Variants in MTUS2 observed in about 807,000 individuals in gnomAD.
The protein encoded by MTUS2 is microtubule associated scaffold protein 2.
In MTUS2, 40 loss-of-function variants were observed where a neutral mutation model predicts 114.1. The observed-to-expected ratio is 0.35, with a 90% CI of 0.27 to 0.46. MTUS2 has a LOEUF of 0.46. Among genes scored for constraint, MTUS2 ranks in the 20% least tolerant of loss-of-function variants. MTUS2 has a pLI of 1.00. For synonymous variants in MTUS2, 688 were observed against 672.0 expected, an observed-to-expected ratio of 1.02 and a Z score of -0.37; for missense variants, 1,679 against 1,705.4, an observed-to-expected ratio of 0.98 and a Z score of 0.27.
chr13:29,008,191 G>C (rs997547863), intron 2 of MTUS2, among the ~76,000 whole-genome samples: 1 of 152,170 alleles, frequency 6.6e-6, no homozygotes, highest in African/African-American at 2.4e-5. Context: ...TGCCAAGTCA[G>C]TCAACAGAGC....
rs186562070 is a variant in MTUS2 at position 28,945,022 on chromosome 13, C to G, written c.-242-79435C>G. Among the ~76,000 whole-genome samples the G allele has an allele frequency of 8.9e-4, 136 of 152,260 alleles. 1 individual carries two copies. Among genetic ancestry groups the G allele is most frequent in the African/African-American group, 3.0e-3 (125 of 41,516 alleles). ...TCTCCAGTATCTATCATTCCACACT[C>G]TGTGTCCATGCATACACATTATTTA... On this transcript the variant is annotated intron_variant, in intron 2 of 15. Coordinates refer to ENST00000612955, the MANE Select transcript of MTUS2 (RefSeq NM_001033602.4).
At chr13:28,872,551 A>C (rs1877683843) in intron 2 of MTUS2, among the ~76,000 whole-genome samples, 1 of 152,164 alleles carries the variant, frequency 6.6e-6, no homozygotes, top group Non-Finnish European at 1.5e-5. Flanking sequence ...TGAGAGTCTC[A>C]GGCAGCTTCT....
chr13:29,318,694 G>A (rs1900125616), intron 6 of MTUS2, among the ~76,000 whole-genome samples: 1 of 152,108 alleles, frequency 6.6e-6, no homozygotes, highest in Non-Finnish European at 1.5e-5. Context: ...ATACACAATG[G>A]TGCTTCTGCC....
intron 4 of MTUS2, among the ~76,000 whole-genome samples, chr13:29,071,188 G>T (rs1888907835): frequency 6.6e-6 from 1 of 150,478 alleles, no homozygotes; most frequent in Non-Finnish European, 1.5e-5. Context: ...TTTTAGTAGA[G>T]ATGGGGTTTC....
At chr13:29,156,242 AG>A (rs1164164759) in intron 5 of MTUS2, among the ~76,000 whole-genome samples, 1 of 152,206 alleles carries the variant, frequency 6.6e-6, no homozygotes, top group Non-Finnish European at 1.5e-5. Flanking sequence ...TCTGATTCTT[AG>A]TTCCAAAAAC....
chr13:28,892,242 C>T (rs933751948), intron 2 of MTUS2, among the ~76,000 whole-genome samples: 1 of 152,160 alleles, frequency 6.6e-6, no homozygotes, highest in Non-Finnish European at 1.5e-5. Context: ...TGGGATGTAT[C>T]TGTACTGAAT....
intron 5 of MTUS2, among the ~76,000 whole-genome samples, chr13:29,277,961 T>C (rs1898127604): frequency 6.6e-6 from 1 of 152,182 alleles, no homozygotes; most frequent in African/African-American, 2.4e-5. Flanking sequence ...AAACTTTTGC[T>C]ATGTTAAGTA....
chr13:29,410,813 T>TTTTG (rs58667275), intron 8 of MTUS2, among the ~76,000 whole-genome samples: 76,198 of 150,320 alleles, frequency 0.51, 21,509 homozygotes, highest in Admixed American at 0.65. Context: ...ACACTATTGG[T>TTTTG]TTTGTTTGTT....
chr13:28,840,723 A>T (rs749709977), intron 2 of MTUS2, among the ~76,000 whole-genome samples: 1 of 152,218 alleles, frequency 6.6e-6, no homozygotes, highest in Non-Finnish European at 1.5e-5. Flanking sequence ...TCAACTCATG[A>T]TAGACTCTAA....
At chr13:28,934,180 C>T (rs746839495) in intron 2 of MTUS2, among the ~76,000 whole-genome samples, 9 of 152,132 alleles carry the variant, frequency 5.9e-5, no homozygotes, top group African/African-American at 1.7e-4. Context: ...AGACAAATTG[C>T]GTAGTGTAAC....
chr13:29,127,473 A>G (rs897149683), intron 5 of MTUS2, among the ~76,000 whole-genome samples: 1 of 152,160 alleles, frequency 6.6e-6, no homozygotes, highest in Non-Finnish European at 1.5e-5. Flanking sequence ...TCATCCAATC[A>G]TTTCAAAGGC....
intron 2 of MTUS2, among the ~76,000 whole-genome samples, chr13:28,969,222 T>C (rs1481923500): frequency 1.3e-5 from 2 of 151,992 alleles, no homozygotes; most frequent in African/African-American, 4.8e-5. Flanking sequence ...TTGTATTTTT[T>C]GTAGAGACAT....
intron 2 of MTUS2, among the ~76,000 whole-genome samples, chr13:28,894,311 GGGGA>G (rs1566203686): frequency 6.5e-5 from 2 of 30,862 alleles, no homozygotes; most frequent in African/African-American, 1.8e-4. Context: ...AGAGGGGGGG[GGGGA>G]GGGAGGGAGG....
intron 8 of MTUS2, among the ~76,000 whole-genome samples, chr13:29,371,987 CACA>C (rs1360971919): frequency 1.6e-4 from 7 of 43,492 alleles, no homozygotes; most frequent in African/African-American, 3.2e-4. Context: ...CCCCCCCCCC[CACA>C]CACACACACA....
intron 8 of MTUS2, among the ~76,000 whole-genome samples, chr13:29,413,435 A>G (rs1054488043): frequency 1.1e-3 from 154 of 144,802 alleles, no homozygotes; most frequent in Non-Finnish European, 1.9e-3. Flanking sequence ...AATGGCAACA[A>G]AAGCCAAAAT....
chr13:29,204,052 C>T (rs1015567297), intron 5 of MTUS2, among the ~76,000 whole-genome samples: 1 of 152,032 alleles, frequency 6.6e-6, no homozygotes, highest in Admixed American at 6.5e-5. Context: ...CTCCACCTCC[C>T]AGTTTCAGGT....
Position 29,319,668 on chromosome 13 carries a change from C to T in MTUS2, c.2807-4945C>T, listed in dbSNP as rs796777889. Among the ~76,000 whole-genome samples, 56 of 152,256 alleles carry T rather than the reference C, an allele frequency of 3.7e-4. 1 individual carries two copies. The highest frequency in any genetic ancestry group is 1.2e-3 in the African/African-American group (50 of 41,558). ...GGCCCTGGTGCATCAGGCCGCTACT[C>T]TGACCACATGAAACAAGAGGAGGGA... On this transcript the variant is annotated intron_variant, in intron 6 of 15. Transcript: ENST00000612955.
At chr13:29,318,721 A>C (rs950684564) in intron 6 of MTUS2, among the ~76,000 whole-genome samples, 1 of 152,180 alleles carries the variant, frequency 6.6e-6, no homozygotes, top group Non-Finnish European at 1.5e-5. Flanking sequence ...TGTCGAAGCC[A>C]CTGATAGCAT....
Position 29,390,056 on chromosome 13 carries a change from CATAT to C in MTUS2, c.3117+30587_3117+30590del, listed in dbSNP as rs1253139807. 4.3e-3 allele frequency among the ~76,000 whole-genome samples: 5 copies of C among 1,156 alleles called. 2 individuals are homozygous for C. The highest frequency in any genetic ancestry group is 4.0e-3 in the African/African-American group (4 of 1,004). 0.8% of individuals were successfully genotyped at this position (1,156 alleles called of 152,430 possible). ...GTATGTATGTGTATATATACACATA[CATAT>C]ATACACATACATATACACATACGTA... On this transcript the variant is annotated intron_variant, in intron 8 of 15. Transcript: ENST00000612955.
Sources: allele counts gnomAD v4.1 joint callset (sites outside exome capture counted in the v4.1 genomes callset), GRCh38; gene constraint gnomAD v4.1.1; transcripts MANE v1.5; gene names NCBI Gene and HGNC (gene_info 2026-07-23, HGNC 2026-07-21).